The following DISC1 variants were observed in gnomAD, a reference collection of about 807,000 sequenced individuals.
DISC1 encodes the protein DISC1 scaffold protein, also known as disrupted in schizophrenia 1 protein.
A neutral mutation model predicts 84.5 loss-of-function variants in DISC1; 57 were observed. The ratio of observed to expected loss-of-function variants is 0.67; its 90% CI spans 0.55 to 0.84. The LOEUF (loss-of-function observed/expected upper bound fraction) is 0.84. DISC1 is among the 40% of genes least tolerant of loss of function. The probability of loss-of-function intolerance (pLI) is 0.00; values close to 1 mark genes in which losing one functional copy is unlikely to be tolerated. For missense variants in DISC1, 1,000 were observed against 1,057.8 expected, an observed-to-expected ratio of 0.95 and a Z score of 0.76; for synonymous variants, 411 against 415.2, an observed-to-expected ratio of 0.99 and a Z score of 0.12.
intron 8 of DISC1, chr1:231,815,023 G>A (rs2080781123): frequency 6.6e-6 from 1 of 150,608 alleles, no homozygotes; most frequent in Non-Finnish European, 1.5e-5. Flanking sequence ...ACATTTAAAG[G>A]TGAGAAAGTT....
At chr1:231,959,142 A>T in intron 10 of DISC1, 1 of 1,165,152 alleles carries the variant, frequency 8.6e-7, no homozygotes, top group Non-Finnish European at 1.1e-6. Context: ...CATGTTCCAT[A>T]AGAGAAGAAT....
At chr1:231,864,992 G>A (rs1329385717) in intron 9 of DISC1, among the ~76,000 whole-genome samples, 1 of 152,120 alleles carries the variant, frequency 6.6e-6, no homozygotes, top group African/African-American at 2.4e-5. Context: ...TCCACACCAC[G>A]GCTGTGGTAG....
chr1:231,931,696 T>C (rs896474785), intron 9 of DISC1, among the ~76,000 whole-genome samples: 14 of 151,016 alleles, frequency 9.3e-5, no homozygotes, highest in African/African-American at 3.4e-4. Flanking sequence ...TCACCCAGGC[T>C]GGAGTGGAGT....
intron 9 of DISC1, among the ~76,000 whole-genome samples, chr1:231,853,001 TA>T: frequency 6.6e-6 from 1 of 152,348 alleles, no homozygotes; most frequent in East Asian, 1.9e-4. Flanking sequence ...ATAGCAGCTC[TA>T]AAATATTAGA....
chr1:231,765,995 A>G (rs2076142856), intron 4 of DISC1, among the ~76,000 whole-genome samples: 1 of 152,094 alleles, frequency 6.6e-6, no homozygotes, highest in Non-Finnish European at 1.5e-5. Flanking sequence ...TACGCACATT[A>G]AAAAAGATTA....
At chr1:231,959,143 A>G in intron 10 of DISC1, 1 of 1,163,012 alleles carries the variant, frequency 8.6e-7, no homozygotes, top group Non-Finnish European at 1.1e-6. Flanking sequence ...ATGTTCCATA[A>G]GAGAAGAATC....
chr1:231,693,921 G>A lies in DISC1; in HGVS notation c.163G>A (p.Gly55Arg), dbSNP rs367627719. The stretch of plus-strand genomic sequence containing the variant: ...GAGAAGCTCGACAGGGCCTGGGATC[G>A]GGTTCCTTTCCCCAGCAGTGGGCAC... ...YMRSSTGPGI[G>R]FLSPAVGTLF... is the part of the protein sequence containing the mutation. Residue 55 changes from glycine to arginine, a missense_variant, in exon 2 of 13, where the codon GGG becomes AGG. Physicochemically the swap from Gly to Arg is moderately radical, Grantham distance 125 (BLOSUM62 -2). This residue lies in a region of DISC1 where 292 missense variants were observed against 280.2 expected (regional missense o/e 1.04). Transcript: ENST00000439617. The A allele has an allele frequency of 6.9e-5, 111 of 1,614,188 alleles. 1 individual carries two copies. Among genetic ancestry groups the A allele is most frequent in the Middle Eastern group, 5.0e-4 (3 of 6,058 alleles).
At chr1:231,734,698 A>T (rs1469579630) in intron 3 of DISC1, among the ~76,000 whole-genome samples, 1 of 152,230 alleles carries the variant, frequency 6.6e-6, no homozygotes, top group Non-Finnish European at 1.5e-5. Context: ...TCAGCAAAGC[A>T]ACAAATATGT....
At chr1:232,036,174 A>G (rs987038507) in intron 12 of DISC1, among the ~76,000 whole-genome samples, 30 of 152,334 alleles carry the variant, frequency 2.0e-4, no homozygotes, top group African/African-American at 6.5e-4. Flanking sequence ...ACTGGTTTGC[A>G]TAGGGTGACA....
At chr1:231,742,535 G>A (rs2073417400) in intron 3 of DISC1, among the ~76,000 whole-genome samples, 1 of 152,152 alleles carries the variant, frequency 6.6e-6, no homozygotes, top group Admixed American at 6.5e-5. Context: ...CACTTTGGGA[G>A]GCCGAGGCAG....
intron 1 of DISC1, among the ~76,000 whole-genome samples, chr1:231,689,627 A>C (rs762920742): frequency 1.3e-5 from 2 of 152,176 alleles, no homozygotes; most frequent in Non-Finnish European, 1.5e-5. Flanking sequence ...CCACTGCTCC[A>C]GGAAAAAAAC....
chr1:231,879,167 G>A (rs1025863639), intron 9 of DISC1, among the ~76,000 whole-genome samples: 2 of 151,314 alleles, frequency 1.3e-5, no homozygotes, highest in South Asian at 2.1e-4. Context: ...AATCTGAAAC[G>A]TGAAATGCTC....
intron 1 of DISC1, among the ~76,000 whole-genome samples, chr1:231,677,189 CT>C (rs896517918): frequency 6.6e-6 from 1 of 152,210 alleles, no homozygotes; most frequent in Non-Finnish European, 1.5e-5. Flanking sequence ...ATTGACTTCT[CT>C]GTTTTTCTAT....
intron 3 of DISC1, among the ~76,000 whole-genome samples, chr1:231,712,304 A>T (rs569441653): frequency 6.6e-6 from 1 of 152,268 alleles, no homozygotes; most frequent in African/African-American, 2.4e-5. Context: ...GTAATTAGTT[A>T]TAGCAGCCAC....
At chr1:231,705,008 G>T (rs1288080864) in intron 3 of DISC1, among the ~76,000 whole-genome samples, 9 of 151,916 alleles carry the variant, frequency 5.9e-5, no homozygotes. Flanking sequence ...TACACAGTAA[G>T]AATAATAAAG....
intron 9 of DISC1, among the ~76,000 whole-genome samples, chr1:231,937,121 G>A (rs1465520893): frequency 5.3e-5 from 8 of 152,198 alleles, no homozygotes; most frequent in African/African-American, 1.9e-4. Flanking sequence ...AGTTGAACAG[G>A]TTCTGTCTTC....
At chr1:231,974,046 A>G (rs1349839737) in intron 10 of DISC1, among the ~76,000 whole-genome samples, 1 of 151,984 alleles carries the variant, frequency 6.6e-6, no homozygotes, top group African/African-American at 2.4e-5. Flanking sequence ...TGTTTGCAAC[A>G]TGGTATTTCT....
intron 9 of DISC1, among the ~76,000 whole-genome samples, chr1:231,885,891 G>A (rs542291220): frequency 1.3e-5 from 2 of 152,298 alleles, no homozygotes; most frequent in Admixed American, 1.3e-4. Flanking sequence ...TTTGTTTTCT[G>A]TGGCCATAAC....
chr1:231,663,831 G>T (rs1398298150), intron 1 of DISC1, among the ~76,000 whole-genome samples: 1 of 152,210 alleles, frequency 6.6e-6, no homozygotes, highest in East Asian at 1.9e-4. Flanking sequence ...TTCTGGCAAT[G>T]ATTACTGTTA....
Sources: gnomAD v4.1 joint callset for allele counts (sites outside exome capture counted in the v4.1 genomes callset) on GRCh38, gnomAD v4.1.1 for gene constraint, gnomAD v4.1.1 regional missense constraint, MANE v1.5 for transcripts, NCBI Gene and HGNC (gene_info 2026-07-23, HGNC 2026-07-21) for gene names.